The following GPC6 variants were observed in gnomAD, a reference collection of about 807,000 sequenced individuals.
GPC6 encodes glypican 6, also known as glypican-6.
In GPC6, 14 loss-of-function variants were observed where a neutral mutation model predicts 55.2. The ratio of observed to expected loss-of-function variants is 0.25; its 90% CI spans 0.17 to 0.40. The LOEUF (loss-of-function observed/expected upper bound fraction) is 0.40. GPC6 is among the 10% of genes least tolerant of loss of function. The pLI is 1.00. For synonymous variants in GPC6, 278 were observed against 259.6 expected, an observed-to-expected ratio of 1.07 and a Z score of -0.68; for missense variants, 641 against 708.5, an observed-to-expected ratio of 0.90 and a Z score of 1.08.
intron 4 of GPC6, among the ~76,000 whole-genome samples, chr13:94,051,306 C>CA (rs1349495798): frequency 2.0e-5 from 3 of 152,180 alleles, no homozygotes; most frequent in African/African-American, 7.2e-5. Context: ...ACCTATCCAT[C>CA]ATCTGCCCTC....
intron 1 of GPC6, among the ~76,000 whole-genome samples, chr13:93,249,871 C>G (rs1308346030): frequency 1.3e-5 from 2 of 152,182 alleles, no homozygotes; most frequent in Non-Finnish European, 2.9e-5. Context: ...CCTTTTTCCT[C>G]CACCTCTTGG....
intron 3 of GPC6, among the ~76,000 whole-genome samples, chr13:93,869,500 G>A (rs1218027885): frequency 6.6e-6 from 1 of 151,830 alleles, no homozygotes; most frequent in Non-Finnish European, 1.5e-5. Context: ...GTAGAACAAA[G>A]ATCCAGTGAT....
chr13:94,063,726 T>C (rs576446835), intron 4 of GPC6, among the ~76,000 whole-genome samples: 1 of 152,294 alleles, frequency 6.6e-6, no homozygotes, highest in South Asian at 2.1e-4. Flanking sequence ...ACTGATTCAG[T>C]ACTACAAGCA....
intron 2 of GPC6, among the ~76,000 whole-genome samples, chr13:93,791,358 A>C (rs758761118): frequency 2.0e-5 from 3 of 152,242 alleles, no homozygotes; most frequent in Non-Finnish European, 4.4e-5. Context: ...ACTTTTGTTC[A>C]AATCAGGACT....
At position 93,762,222 on chromosome 13, in the gene GPC6, A is replaced by G. The variant is rs993798560; in HGVS notation, c.320-67932A>G. 3.9e-4 allele frequency among the ~76,000 whole-genome samples: 60 copies of G among 152,200 alleles called. 1 individual carries two copies. The highest frequency in any genetic ancestry group is 1.5e-5 in the Non-Finnish European group (1 of 68,036). ...TTTCCTTTAAAAACAGAATGCTATTATCATGGTGGCCAAACAATAAGAAAA... is the reference window on the plus strand; with the variant it reads ...TTTCCTTTAAAAACAGAATGCTATTGTCATGGTGGCCAAACAATAAGAAAA... On this transcript the variant is annotated intron_variant, in intron 2 of 8. Transcript: ENST00000377047.
rs1419282236 is a variant in GPC6 at position 94,186,054 on chromosome 13, C to T, written c.878-100295C>T. Among the ~76,000 whole-genome samples, 4 of 13,298 alleles carry T rather than the reference C, an allele frequency of 3.0e-4. No homozygotes were observed. In the Admixed American group the frequency reaches 4.1e-3, roughly 14 times the overall value. 8.7% of individuals were successfully genotyped at this position (13,298 alleles called of 152,430 possible). On this transcript the variant is annotated intron_variant, in intron 4 of 8. Coordinates refer to ENST00000377047, the MANE Select transcript of GPC6 (RefSeq NM_005708.5). ...CAGCCTAGGTGACAGAGCGAGACTC[C>T]GTCTCCAAAAAAAAAAAAAAAAAAA...
chr13:93,756,503 T>TGG (rs1233644257), intron 2 of GPC6, among the ~76,000 whole-genome samples: 1 of 152,136 alleles, frequency 6.6e-6, no homozygotes, highest in Non-Finnish European at 1.5e-5. Flanking sequence ...CCAAAAGCCT[T>TGG]GGGACTTTAT....
chr13:93,918,422 C>G (rs1206875382), intron 3 of GPC6, among the ~76,000 whole-genome samples: 2 of 151,920 alleles, frequency 1.3e-5, no homozygotes, highest in Admixed American at 6.6e-5. Context: ...TCCTTCAGAG[C>G]TAACTCAAAG....
chr13:94,348,741 A>C (rs372293751), intron 6 of GPC6, among the ~76,000 whole-genome samples: 1 of 152,108 alleles, frequency 6.6e-6, no homozygotes, highest in South Asian at 2.1e-4. Flanking sequence ...TGCTAATTTT[A>C]TCTTTAGCTA....
At chr13:93,405,397 T>A (rs182032894) in intron 1 of GPC6, among the ~76,000 whole-genome samples, 26 of 152,226 alleles carry the variant, frequency 1.7e-4, no homozygotes, top group Admixed American at 1.4e-3. Context: ...CCAGAATTAA[T>A]GTCTAGCTCA....
At chr13:93,797,232 CG>C (rs1291323840) in intron 2 of GPC6, among the ~76,000 whole-genome samples, 2 of 152,076 alleles carry the variant, frequency 1.3e-5, no homozygotes, top group African/African-American at 4.8e-5. Context: ...TAACAGGCTC[CG>C]GGTGATTAGA....
intron 1 of GPC6, among the ~76,000 whole-genome samples, chr13:93,322,837 G>A (rs990772543): frequency 6.6e-6 from 1 of 151,924 alleles, no homozygotes; most frequent in South Asian, 2.1e-4. Flanking sequence ...TGTGCAGAAC[G>A]TGCATGTTGG....
At chr13:93,662,980 A>G (rs191746525) in intron 2 of GPC6, among the ~76,000 whole-genome samples, 6 of 152,148 alleles carry the variant, frequency 3.9e-5, no homozygotes, top group Middle Eastern at 3.4e-3. Context: ...ATTCTAATAT[A>G]CAGCCAGGAT....
intron 1 of GPC6, among the ~76,000 whole-genome samples, chr13:93,432,374 T>C (rs190635973): frequency 1.1e-4 from 16 of 152,206 alleles, no homozygotes; most frequent in African/African-American, 3.9e-4. Context: ...AAACCGAGCA[T>C]CAGCATCCCA....
chr13:93,511,264 T>C (rs1033179148), intron 1 of GPC6, among the ~76,000 whole-genome samples: 1 of 151,546 alleles, frequency 6.6e-6, no homozygotes, highest in Admixed American at 6.6e-5. Context: ...GTTCTTTGTC[T>C]AGAACAATAT....
intron 4 of GPC6, among the ~76,000 whole-genome samples, chr13:94,205,876 G>GGTTTTCAACTGGGACT (rs1475424561): frequency 3.9e-5 from 6 of 152,150 alleles, no homozygotes; most frequent in Non-Finnish European, 5.9e-5. Context: ...CTGGAACACT[G>GGTTTTCAACTGGGACT]GTTTTCAACT....
chr13:94,229,773 A>C (rs1181580143), intron 4 of GPC6, among the ~76,000 whole-genome samples: 1 of 152,178 alleles, frequency 6.6e-6, no homozygotes, highest in African/African-American at 2.4e-5. Context: ...TCCAGGTTAA[A>C]AGACTTGAAT....
intron 1 of GPC6, among the ~76,000 whole-genome samples, chr13:93,284,436 A>T (rs1878046270): frequency 1.3e-5 from 2 of 152,220 alleles, no homozygotes; most frequent in Admixed American, 6.5e-5. Flanking sequence ...GGATTAATGA[A>T]CAGAAATGTC....
At position 93,996,649 on chromosome 13, in the gene GPC6, G is replaced by A. The variant is rs541506187; in HGVS notation, c.712-31080G>A. ...CTCCAGGTCACAGTAGGAAGCCAAT[G>A]TTATAGACCAAATAACATTTCAAAA... On this transcript the variant is annotated intron_variant, in intron 3 of 8. Transcript: ENST00000377047. 3.9e-5 allele frequency among the ~76,000 whole-genome samples: 6 copies of A among 152,254 alleles called. No individual in the cohort carries two copies. In the South Asian group the frequency reaches 1.2e-3, roughly 32 times the overall value.
Sources: allele counts gnomAD v4.1 joint callset (sites outside exome capture counted in the v4.1 genomes callset), GRCh38; gene constraint gnomAD v4.1.1; transcripts MANE v1.5; gene names NCBI Gene and HGNC (gene_info 2026-07-23, HGNC 2026-07-21).